CCDC85A: variants seen among roughly 807,000 people sequenced by gnomAD.
CCDC85A encodes the protein coiled-coil domain-containing protein 85A.
In CCDC85A, 38 loss-of-function variants were observed where a neutral mutation model predicts 50.2. The observed-to-expected ratio is 0.76, with a 90% confidence interval of 0.58 to 0.99. The LOEUF is 0.99. CCDC85A is among the 50% of genes least tolerant of loss of function. CCDC85A has a pLI of 0.00. For missense variants in CCDC85A, 820 were observed against 742.0 expected, an observed-to-expected ratio of 1.11 and a Z score of -1.22; for synonymous variants, 366 against 301.4, an observed-to-expected ratio of 1.21 and a Z score of -2.22.
chr2:56,360,246 T>C (rs1675456915), intron 3 of CCDC85A, among the ~76,000 whole-genome samples: 1 of 152,250 alleles, frequency 6.6e-6, no homozygotes, highest in South Asian at 2.1e-4. Flanking sequence ...CTGTAGCACT[T>C]AATGTTTTCA....
intron 2 of CCDC85A, among the ~76,000 whole-genome samples, chr2:56,337,120 A>G (rs374650377): frequency 8.5e-5 from 13 of 152,238 alleles, no homozygotes; most frequent in Admixed American, 5.9e-4. Context: ...GGTACGTAGT[A>G]CCAGTAAAAT....
chr2:56,343,349 T>C (rs1674469221), intron 3 of CCDC85A, among the ~76,000 whole-genome samples: 1 of 152,214 alleles, frequency 6.6e-6, no homozygotes, highest in Non-Finnish European at 1.5e-5. Context: ...GGCAAAGCTA[T>C]AGGTAGTTGG....
chr2:56,320,783 C>G (rs1009653721), intron 2 of CCDC85A, among the ~76,000 whole-genome samples: 4 of 152,154 alleles, frequency 2.6e-5, no homozygotes, highest in African/African-American at 9.7e-5. Flanking sequence ...CTCCCTAATT[C>G]ATTTTATGAG....
intron 4 of CCDC85A, among the ~76,000 whole-genome samples, chr2:56,373,393 G>T (rs1676178635): frequency 6.6e-6 from 1 of 150,390 alleles, no homozygotes; most frequent in African/African-American, 2.5e-5. Context: ...AAAAAAAAAA[G>T]TGTGTTTTTT....
chr2:56,238,962 C>T (rs530805449), intron 2 of CCDC85A, among the ~76,000 whole-genome samples: 2 of 152,228 alleles, frequency 1.3e-5, no homozygotes, highest in Admixed American at 1.3e-4. Context: ...TGAGATGGAG[C>T]ATCATACTGA....
intron 2 of CCDC85A, among the ~76,000 whole-genome samples, chr2:56,268,773 A>G (rs574199751): frequency 4.5e-4 from 69 of 152,154 alleles, no homozygotes; most frequent in Non-Finnish European, 9.3e-4. Flanking sequence ...TTAAAAAAAC[A>G]TTTTTGGCTC....
At chr2:56,237,953 A>G (rs1192451487) in intron 2 of CCDC85A, among the ~76,000 whole-genome samples, 2 of 152,180 alleles carry the variant, frequency 1.3e-5, no homozygotes, top group Non-Finnish European at 2.9e-5. Flanking sequence ...TTTGAAAGGT[A>G]GACAGTATCT....
chr2:56,269,756 T>C (rs1162181767), intron 2 of CCDC85A, among the ~76,000 whole-genome samples: 1 of 152,228 alleles, frequency 6.6e-6, no homozygotes, highest in Non-Finnish European at 1.5e-5. Flanking sequence ...CCTTTCATTT[T>C]TTTTAAGTGA....
intron 2 of CCDC85A, among the ~76,000 whole-genome samples, chr2:56,284,901 A>T (rs1219494759): frequency 6.6e-6 from 1 of 152,020 alleles, no homozygotes; most frequent in Non-Finnish European, 1.5e-5. Context: ...ATTTTTTGTT[A>T]TTAACATAAC....
chr2:56,303,225 C>G (rs1348513696), intron 2 of CCDC85A, among the ~76,000 whole-genome samples: 2 of 152,120 alleles, frequency 1.3e-5, no homozygotes, highest in Non-Finnish European at 2.9e-5. Flanking sequence ...GGTTATGTCT[C>G]TTTCCTCTGT....
At position 56,356,879 on chromosome 2, in the gene CCDC85A, C is replaced by T. The variant is rs568589413; in HGVS notation, c.1317+13924C>T. On this transcript the variant is annotated intron_variant, in intron 3 of 5. Transcript: ENST00000407595. ...GGTCAGGAGATCAAGACCATCCTGG[C>T]TAACATGGTGAAACCCCATCTCTAC... Among the ~76,000 whole-genome samples the T allele has an allele frequency of 1.8e-4, 27 of 151,922 alleles. 1 individual carries two copies. The South Asian group carries it at 1.9e-3, about 11-fold the overall frequency.
chr2:56,352,604 C>A (rs1675011089), intron 3 of CCDC85A, among the ~76,000 whole-genome samples: 1 of 152,190 alleles, frequency 6.6e-6, no homozygotes, highest in Non-Finnish European at 1.5e-5. Flanking sequence ...CCTTGGCCTC[C>A]CAAAGTGCTG....
chr2:56,384,567 A>C lies in CCDC85A; in HGVS notation c.*212A>C. ...CTCACCTCAATGTCCACAACAGTCAATCTCAAACAAGGTAGCTTTGAACAT... is the reference window on the plus strand; with the variant it reads ...CTCACCTCAATGTCCACAACAGTCACTCTCAAACAAGGTAGCTTTGAACAT... On this transcript the variant is annotated 3_prime_UTR_variant, in exon 6 of 6. Coordinates refer to ENST00000407595, the MANE Select transcript of CCDC85A (RefSeq NM_001080433.2). 1 of 479,632 alleles carries C rather than the reference A, an allele frequency of 2.1e-6. No individual in the cohort carries two copies. The highest frequency in any genetic ancestry group is 3.8e-6 in the Non-Finnish European group (1 of 265,118). 29.7% of individuals were successfully genotyped at this position (479,632 alleles called of 1,614,324 possible). A position where few individuals can be genotyped will look rare whatever the true frequency, so the allele number is the denominator to read the frequency against.
chr2:56,377,887 C>CA (rs58497352), intron 5 of CCDC85A, among the ~76,000 whole-genome samples: 4,069 of 95,344 alleles, frequency 0.043, 172 homozygotes, highest in African/African-American at 0.13. Flanking sequence ...AACTCCGTCT[C>CA]AAAAAAAAAA....
At chr2:56,357,858 A>G (rs751220808) in intron 3 of CCDC85A, among the ~76,000 whole-genome samples, 31 of 151,818 alleles carry the variant, frequency 2.0e-4, no homozygotes, top group Non-Finnish European at 3.2e-4. Context: ...ATCAGTTCCA[A>G]CCTGGTGCTT....
intron 2 of CCDC85A, among the ~76,000 whole-genome samples, chr2:56,327,358 T>G (rs1673528137): frequency 6.6e-6 from 1 of 152,142 alleles, no homozygotes; most frequent in Non-Finnish European, 1.5e-5. Flanking sequence ...GAGTTTGAAT[T>G]AAAAGGGAAC....
chr2:56,246,764 A>G (rs935903076), intron 2 of CCDC85A, among the ~76,000 whole-genome samples: 2 of 152,188 alleles, frequency 1.3e-5, no homozygotes, highest in African/African-American at 2.4e-5. Flanking sequence ...TTATTTTCCA[A>G]TGCACAGATT....
chr2:56,375,322 G>A (rs1293304028), intron 4 of CCDC85A, among the ~76,000 whole-genome samples: 4 of 152,156 alleles, frequency 2.6e-5, no homozygotes, highest in Non-Finnish European at 4.4e-5. Context: ...AGAAAACGTT[G>A]AATTTGGATA....
At chr2:56,219,938 A>G (rs76694563) in intron 2 of CCDC85A, among the ~76,000 whole-genome samples, 6,305 of 152,098 alleles carry the variant, frequency 0.041, 168 homozygotes, top group Non-Finnish European at 0.051. Context: ...AATGTGGTAA[A>G]TGTAATAGAG....
Sources: gnomAD v4.1 joint callset for allele counts (sites outside exome capture counted in the v4.1 genomes callset) on GRCh38, gnomAD v4.1.1 for gene constraint, MANE v1.5 for transcripts, NCBI Gene and HGNC (gene_info 2026-07-23, HGNC 2026-07-21) for gene names.